RNF180: variants seen among roughly 807,000 people sequenced by gnomAD.
RNF180 encodes the protein E3 ubiquitin-protein ligase RNF180.
A neutral mutation model predicts 59.2 loss-of-function variants in RNF180; 38 were observed. The ratio of observed to expected loss-of-function variants is 0.64; its 90% CI spans 0.50 to 0.84. RNF180 has a LOEUF of 0.84. Among genes scored for constraint, RNF180 ranks in the 40% least tolerant of loss-of-function variants. The probability of loss-of-function intolerance (pLI) is 0.00; values close to 1 mark genes in which losing one functional copy is unlikely to be tolerated. For missense variants in RNF180, 705 were observed against 700.9 expected (o/e 1.01, Z -0.07); for synonymous variants, 262 against 240.3 (o/e 1.09, Z -0.84).
chr5:64,306,756 T>TAG (rs1179974009), intron 5 of RNF180, among the ~76,000 whole-genome samples: 1 of 149,838 alleles, frequency 6.7e-6, no homozygotes, highest in Non-Finnish European at 1.5e-5. Context: ...TTCTCACTCA[T>TAG]AGGTGGGAAT....
At chr5:64,290,718 A>G (rs923128251) in intron 5 of RNF180, among the ~76,000 whole-genome samples, 1 of 151,744 alleles carries the variant, frequency 6.6e-6, no homozygotes, top group African/African-American at 2.4e-5. Context: ...TCAGTTTTCC[A>G]TTGTCTTGGT....
At chr5:64,272,993 T>C (rs1741503701) in intron 5 of RNF180, among the ~76,000 whole-genome samples, 1 of 151,852 alleles carries the variant, frequency 6.6e-6, no homozygotes. Flanking sequence ...AAATCTGAAG[T>C]TTATCTGTAT....
intron 5 of RNF180, among the ~76,000 whole-genome samples, chr5:64,288,981 G>T (rs1011465435): frequency 3.3e-5 from 5 of 152,176 alleles, no homozygotes; most frequent in Admixed American, 6.5e-5. Context: ...TTTTCAAGGG[G>T]AATGCTTCCA....
chr5:64,246,719 C>G (rs1561215150), intron 5 of RNF180, among the ~76,000 whole-genome samples: 3 of 152,160 alleles, frequency 2.0e-5, no homozygotes, highest in African/African-American at 7.2e-5. Context: ...TGAAACTATT[C>G]CAAACAATAG....
intron 5 of RNF180, among the ~76,000 whole-genome samples, chr5:64,311,998 T>C (rs967752795): frequency 6.6e-6 from 1 of 151,840 alleles, no homozygotes; most frequent in Non-Finnish European, 1.5e-5. Flanking sequence ...TATGCGAGAG[T>C]TGCAGCTGCC....
In RNF180 at chr5:64,346,439, G is replaced by A. The variant is rs562979444; in HGVS notation, c.1579+16033G>A. 2.8e-4 allele frequency among the ~76,000 whole-genome samples: 36 copies of A among 129,334 alleles called. 1 individual carries two copies. Among genetic ancestry groups the A allele is most frequent in the Admixed American group, 2.1e-3 (21 of 10,084 alleles). 84.8% of individuals were successfully genotyped at this position (129,334 alleles called of 152,430 possible). ...GGCTGTAGTGCAGTAGCACAATCTC[G>A]GCTCACTGCAACCTCCACCTCCCAG... On this transcript the variant is annotated intron_variant, in intron 7 of 7. Transcript: ENST00000389100.
intron 5 of RNF180, among the ~76,000 whole-genome samples, chr5:64,223,495 A>T (rs904235132): frequency 2.0e-5 from 3 of 152,070 alleles, no homozygotes; most frequent in Non-Finnish European, 2.9e-5. Flanking sequence ...ATTTAATTTG[A>T]CACAATTTTA....
chr5:64,333,178 C>T (rs893155653), intron 7 of RNF180, among the ~76,000 whole-genome samples: 1 of 152,024 alleles, frequency 6.6e-6, no homozygotes, highest in East Asian at 1.9e-4. Context: ...ATTTTTTACT[C>T]ATTTATTTTA....
At chr5:64,251,972 C>G (rs895422596) in intron 5 of RNF180, among the ~76,000 whole-genome samples, 2 of 152,048 alleles carry the variant, frequency 1.3e-5, no homozygotes, top group African/African-American at 4.8e-5. Context: ...ATCTCATACA[C>G]ATGGATTGGA....
chr5:64,268,481 G>A (rs1744815897), intron 5 of RNF180, among the ~76,000 whole-genome samples: 1 of 151,960 alleles, frequency 6.6e-6, no homozygotes, highest in Non-Finnish European at 1.5e-5. Flanking sequence ...AATTTGCATA[G>A]AGGGGCAAGA....
Position 64,234,800 on chromosome 5 carries a change from C to T in RNF180, c.1227+17404C>T, listed in dbSNP as rs569621962. 6.9e-4 allele frequency among the ~76,000 whole-genome samples: 105 copies of T among 151,618 alleles called. 1 individual carries two copies. The highest frequency in any genetic ancestry group is 2.5e-3 in the African/African-American group (104 of 41,422). On this transcript the variant is annotated intron_variant, in intron 5 of 7. Coordinates refer to ENST00000389100, the MANE Select transcript of RNF180 (RefSeq NM_001113561.2). ...ATTTTTAGTAGAGACAGGGTTTCAC[C>T]GTGTTAGCCAGGATGGTCTCGATCT...
intron 5 of RNF180, among the ~76,000 whole-genome samples, chr5:64,292,137 A>T (rs1490342183): frequency 6.6e-6 from 1 of 152,072 alleles, no homozygotes; most frequent in Non-Finnish European, 1.5e-5. Flanking sequence ...CCATCAATTC[A>T]GCCATCTCTG....
At chr5:64,181,297 A>G (rs1251663585) in intron 1 of RNF180, among the ~76,000 whole-genome samples, 1 of 152,208 alleles carries the variant, frequency 6.6e-6, no homozygotes, top group Non-Finnish European at 1.5e-5. Context: ...TGCATCCTAC[A>G]ATCCAATCAA....
At chr5:64,227,518 G>C (rs1462036608) in intron 5 of RNF180, among the ~76,000 whole-genome samples, 1 of 152,192 alleles carries the variant, frequency 6.6e-6, no homozygotes, top group East Asian at 1.9e-4. Flanking sequence ...CACCCCACAT[G>C]CCCTGACAGT....
intron 5 of RNF180, among the ~76,000 whole-genome samples, chr5:64,270,065 T>G (rs576463787): frequency 3.7e-4 from 57 of 152,046 alleles, no homozygotes; most frequent in Non-Finnish European, 7.2e-4. Context: ...CTTTAGTGGA[T>G]CGTAAATCAG....
intron 5 of RNF180, among the ~76,000 whole-genome samples, chr5:64,252,675 G>A (rs1257734083): frequency 6.6e-6 from 1 of 152,154 alleles, no homozygotes; most frequent in Non-Finnish European, 1.5e-5. Flanking sequence ...TGCCCAGAAT[G>A]TAGTGGTCCT....
chr5:64,254,187 T>C (rs74341487), intron 5 of RNF180, among the ~76,000 whole-genome samples: 10,576 of 152,236 alleles, frequency 0.069, 568 homozygotes, highest in Admixed American at 0.14. Flanking sequence ...TAAAGACAGC[T>C]AAAATCTCTA....
At chr5:64,322,757 G>A (rs530567896) in intron 5 of RNF180, among the ~76,000 whole-genome samples, 2 of 151,982 alleles carry the variant, frequency 1.3e-5, no homozygotes, top group South Asian at 2.1e-4. Context: ...ACCAAACATT[G>A]TATGTTCTCA....
At chr5:64,307,965 GA>G (rs1743561417) in intron 5 of RNF180, among the ~76,000 whole-genome samples, 1 of 151,756 alleles carries the variant, frequency 6.6e-6, no homozygotes, top group Non-Finnish European at 1.5e-5. Context: ...TCTCAGAAAT[GA>G]ATCTTTAATT....
Sources: gnomAD v4.1 joint callset for allele counts (sites outside exome capture counted in the v4.1 genomes callset) on GRCh38, gnomAD v4.1.1 for gene constraint, MANE v1.5 for transcripts, NCBI Gene and HGNC (gene_info 2026-07-23, HGNC 2026-07-21) for gene names.